The following BRD8 variants were observed in gnomAD, a reference collection of about 807,000 sequenced individuals.
The protein encoded by BRD8 is bromodomain containing 8, also known as bromodomain-containing protein 8.
In BRD8, 67 loss-of-function variants were observed where a neutral mutation model predicts 143.1. The ratio of observed to expected loss-of-function variants is 0.47; its 90% CI spans 0.38 to 0.57. The LOEUF is 0.57. Among genes scored for constraint, BRD8 ranks in the 20% least tolerant of loss-of-function variants. BRD8 has a pLI of 0.00. For synonymous variants in BRD8, 505 were observed against 517.1 expected, an observed-to-expected ratio of 0.98 and a Z score of 0.32; for missense variants, 1,103 against 1,503.0, an observed-to-expected ratio of 0.73 and a Z score of 4.40.
intron 8 of BRD8, chr5:138,168,537 G>T (rs201815511): frequency 1.8e-4 from 295 of 1,609,770 alleles, no homozygotes; most frequent in Non-Finnish European, 1.0e-5. Flanking sequence ...GGAGGGGGGT[G>T]GAGTTGCTTT....
At chr5:138,157,365 G>T (rs1752671482) in intron 20 of BRD8, 12 of 1,510,648 alleles carry the variant, frequency 7.9e-6, no homozygotes, top group Non-Finnish European at 1.1e-5. Context: ...TGGGGGAGAG[G>T]GAAGAGAATC....
At chr5:138,171,431 A>G (rs755013824) in intron 3 of BRD8, 21 bp from the exon 4 acceptor site, 7 of 1,069,832 alleles carry the variant, frequency 6.5e-6, no homozygotes, top group African/African-American at 5.1e-5. Context: ...AAAAAAAAAA[A>G]GTGAAAATGT....
chr5:138,168,595 T>A, intron 8 of BRD8: 2 of 1,607,524 alleles, frequency 1.2e-6, no homozygotes, highest in East Asian at 4.5e-5. Context: ...ACTGGGGTCA[T>A]GGGGGCTTCT....
Position 138,172,068 on chromosome 5 carries a change from T to C in BRD8, c.183A>G (p.Gln61=), listed in dbSNP as rs1299435473. ...EPGRPPDWFS[Q]KHCASQYSEL... is the part of the protein sequence containing the mutation. ...GAGCCCTTGCTTGGGAACTTACTTT[T>C]TGAGAGAACCAGTCTGGAGGGCGGC... The change falls in exon 3 of 27, where the codon CAA becomes CAG. Residue 61 remains glutamine, a synonymous_variant. Coordinates refer to ENST00000254900, the MANE Select transcript of BRD8 (RefSeq NM_139199.2). The C allele has an allele frequency of 1.2e-6, 2 of 1,613,652 alleles. No individual in the cohort carries two copies. Among genetic ancestry groups the C allele is most frequent in the Admixed American group, 3.3e-5 (2 of 59,976 alleles).
chr5:138,149,671 T>C lies in BRD8; in HGVS notation c.3247A>G (p.Thr1083Ala), dbSNP rs1250180483. Residue 1083 changes from threonine to alanine, a missense_variant, in exon 23 of 27, where the codon ACA becomes GCA. Coordinates refer to ENST00000254900, the MANE Select transcript of BRD8 (RefSeq NM_139199.2). ...FNIKETPLVD[T>A]LFSHATSSKL... ...GAGGAGGTAGCATGGCTGAAAAGTG[T>C]ATCCACCAAGGGAGTCTCCTTAATG... 1 of 1,610,606 alleles carries C rather than the reference T, an allele frequency of 6.2e-7. No individual in the cohort carries two copies.
intron 7 of BRD8, 80 bp downstream of exon 7, chr5:138,170,265 T>C (rs747953385): frequency 1.0e-6 from 1 of 983,654 alleles, no homozygotes; most frequent in Non-Finnish European, 1.6e-6. Context: ...ATGTATTCTA[T>C]GTTACAAAAC....
At position 138,175,116 on chromosome 5, in the gene BRD8, C is replaced by A. The variant is rs189874351; in HGVS notation, c.116+2455G>T. ...AGCCAGGATGGTCTCAATCTCCTGA[C>A]CTTGTGATCCGCCCACCTCGGCCTC... On this transcript the variant is annotated intron_variant, in intron 2 of 26. Transcript: ENST00000254900. 4.0e-4 allele frequency among the ~76,000 whole-genome samples: 61 copies of A among 152,206 alleles called. No homozygotes were observed. In the East Asian group the frequency reaches 0.011, roughly 28 times the overall value.
At chr5:138,163,567 G>GAA in intron 14 of BRD8, 6 of 1,331,072 alleles carry the variant, frequency 4.5e-6, no homozygotes, top group Non-Finnish European at 5.9e-6. Context: ...TAAAAAGAAA[G>GAA]AAAAAAAAAA....
intron 23 of BRD8, 123 bp from the exon 24 acceptor site, chr5:138,146,001 C>T: frequency 1.5e-6 from 1 of 658,100 alleles, no homozygotes; most frequent in Non-Finnish European, 2.6e-6. Context: ...CTTTTTATCT[C>T]CCCTTATCTG....
Position 138,160,996 on chromosome 5 carries a change from A to T in BRD8, c.2322T>A (p.Arg774=), listed in dbSNP as rs1561607592. ...CATTCTGAAACATCAGCATAATGTC[A>T]CGCTGAAATTCAGCTGTGCTTCGGA... The part of the protein sequence containing the change: ...GLIRSTAEFQ[R]DIMLMFQNAV... The change falls in exon 18 of 27, where the codon CGT becomes CGA. Residue 774 remains arginine (R), a synonymous_variant. Transcript: ENST00000254900. 6.2e-7 allele frequency: 1 copy of T among 1,614,092 alleles called. No homozygotes were observed. The highest frequency in any genetic ancestry group is 2.2e-5 in the East Asian group (1 of 44,864).
intron 20 of BRD8, 45 bp downstream of exon 20, chr5:138,159,510 G>A (rs937075527): frequency 6.2e-7 from 1 of 1,602,810 alleles, no homozygotes; most frequent in East Asian, 2.2e-5. Flanking sequence ...TAAGAGCTGA[G>A]AATCTTTGTG....
chr5:138,169,801 A>C (rs1318829626), intron 7 of BRD8, among the ~76,000 whole-genome samples: 1 of 152,190 alleles, frequency 6.6e-6, no homozygotes, highest in Non-Finnish European at 1.5e-5. Context: ...TCTACTAAAA[A>C]TACAAAAATT....
At chr5:138,155,217 C>A (rs1051970194) in intron 20 of BRD8, among the ~76,000 whole-genome samples, 1 of 151,670 alleles carries the variant, frequency 6.6e-6, no homozygotes, top group Admixed American at 6.6e-5. Context: ...GAGGCCGAAG[C>A]GGGTGGATCA....
At chr5:138,164,265 C>T (rs1753225893) in intron 13 of BRD8, 55 bp downstream of exon 13, 3 of 1,595,102 alleles carry the variant, frequency 1.9e-6, no homozygotes, top group South Asian at 2.2e-5. Context: ...CAACCCACAA[C>T]CCCTCAGAAG....
intron 21 of BRD8, among the ~76,000 whole-genome samples, chr5:138,152,000 G>A (rs994362017): frequency 8.6e-5 from 13 of 151,898 alleles, no homozygotes; most frequent in Non-Finnish European, 5.9e-5. Flanking sequence ...GATTACAGGC[G>A]CCCGCCACCA....
Position 138,139,906 on chromosome 5 carries a change from T to C in BRD8, c.*168A>G. On this transcript the variant is annotated 3_prime_UTR_variant, in exon 27 of 27. Transcript: ENST00000254900. ...TCCAAACCTCAGCTTCCCCTTTTTT[T>C]CTTTATATTATGTCCACATGCATCT... 1.8e-6 allele frequency: 1 copy of C among 565,064 alleles called. No individual in the cohort carries two copies. The highest frequency in any genetic ancestry group is 3.1e-6 in the Non-Finnish European group (1 of 319,592). The allele number at this position is 565,064 out of a possible 1,614,324, so 35.0% of individuals were successfully genotyped here.
At chr5:138,145,102 C>A (rs112865623) in intron 25 of BRD8, 75 bp downstream of exon 25, 5 of 1,422,902 alleles carry the variant, frequency 3.5e-6, no homozygotes, top group Middle Eastern at 3.6e-4. Flanking sequence ...TAAAAATAAT[C>A]TAACAGATGG....
Position 138,164,430 on chromosome 5 carries a change from A to G in BRD8, c.1732-17T>C, listed in dbSNP as rs1277165017. On this transcript the variant is annotated splice_polypyrimidine_tract_variant and intron_variant, in intron 12 of 26. Transcript: ENST00000254900. The stretch of plus-strand genomic sequence containing the variant: ...AGGGGATGCCTGAAAACCAGAAAAG[A>G]AAAAACACCCTAAGTACTGATAAAT... The G allele has an allele frequency of 1.9e-6, 3 of 1,605,732 alleles. No individual in the cohort carries two copies. Among genetic ancestry groups the G allele is most frequent in the Middle Eastern group, 1.7e-4 (1 of 6,034 alleles).
chr5:138,142,780 A>G (rs1751964371), intron 25 of BRD8, among the ~76,000 whole-genome samples: 1 of 140,500 alleles, frequency 7.1e-6, no homozygotes, highest in South Asian at 2.3e-4. Flanking sequence ...AAAAAAAAAA[A>G]TCCAAAATAG....
Sources: allele counts gnomAD v4.1 joint callset (sites outside exome capture counted in the v4.1 genomes callset), GRCh38; gene constraint gnomAD v4.1.1; transcripts MANE v1.5; gene names NCBI Gene and HGNC (gene_info 2026-07-23, HGNC 2026-07-21).